The following PPM1H variants were observed in gnomAD, a reference collection of about 807,000 sequenced individuals.
PPM1H encodes the protein protein phosphatase, Mg2+/Mn2+ dependent 1H.
In PPM1H, 27 loss-of-function variants were observed where a neutral mutation model predicts 54.9. The ratio of observed to expected loss-of-function variants is 0.49; its 90% confidence interval spans 0.36 to 0.68. The LOEUF (loss-of-function observed/expected upper bound fraction) is 0.68, where lower values mean the gene tolerates loss of function less well. PPM1H is among the 30% of genes least tolerant of loss of function. The probability of loss-of-function intolerance (pLI) is 0.00; values close to 1 mark genes in which losing one functional copy is unlikely to be tolerated. For synonymous variants in PPM1H, 305 were observed against 270.8 expected, an observed-to-expected ratio of 1.13 and a Z score of -1.24; for missense variants, 596 against 667.8, an observed-to-expected ratio of 0.89 and a Z score of 1.19.
In PPM1H at chr12:62,876,833, C is replaced by T. The variant is rs149155716; in HGVS notation, c.246-44554G>A. Among the ~76,000 whole-genome samples, 455 of 152,302 alleles carry T rather than the reference C, an allele frequency of 3.0e-3. 4 individuals are homozygous for T. Among genetic ancestry groups the T allele is most frequent in the African/African-American group, 0.01 (429 of 41,558 alleles). On this transcript the variant is annotated intron_variant, in intron 1 of 9. Coordinates refer to ENST00000228705, the MANE Select transcript of PPM1H (RefSeq NM_020700.2). ...AACCCAACATCCCGTTATGTAAGTT[C>T]AGTGATCAGTTTTCTCCATTGTACC...
intron 1 of PPM1H, among the ~76,000 whole-genome samples, chr12:62,918,896 C>T (rs1056810915): frequency 6.6e-6 from 1 of 152,196 alleles, no homozygotes; most frequent in Non-Finnish European, 1.5e-5. Context: ...AATTATCAAT[C>T]GAAGCTAATT....
At position 62,788,285 on chromosome 12, in the gene PPM1H, C is replaced by G; in HGVS notation, c.810G>C (p.Thr270=). The G allele has an allele frequency of 6.3e-7, 1 of 1,597,028 alleles. No individual in the cohort carries two copies. The change falls in exon 4 of 10, where the codon ACG becomes ACC. Residue 270 remains threonine (T), a synonymous_variant. Coordinates refer to ENST00000228705, the MANE Select transcript of PPM1H (RefSeq NM_020700.2). ...CCAAAAGGCAAATCACAATGAGGGC[C>G]GTGCAGCCACCAGATATATTATATG... ...RSSYNISGGC[T]ALIVICLLGK... is the part of the protein sequence containing the mutation.
At chr12:62,889,064 G>C (rs968772679) in intron 1 of PPM1H, among the ~76,000 whole-genome samples, 6 of 152,134 alleles carry the variant, frequency 3.9e-5, no homozygotes, top group Non-Finnish European at 7.4e-5. Context: ...AAACTGATTA[G>C]AAACCAGGCC....
At chr12:62,907,248 C>T (rs1393395571) in intron 1 of PPM1H, among the ~76,000 whole-genome samples, 1 of 152,200 alleles carries the variant, frequency 6.6e-6, no homozygotes, top group African/African-American at 2.4e-5. Flanking sequence ...ACTCACTGAG[C>T]ACCAGCATGT....
chr12:62,872,560 C>A (rs1870024122), intron 1 of PPM1H, among the ~76,000 whole-genome samples: 1 of 152,188 alleles, frequency 6.6e-6, no homozygotes, highest in South Asian at 2.1e-4. Flanking sequence ...CATTTTCTAG[C>A]TCAATCTCTC....
intron 1 of PPM1H, among the ~76,000 whole-genome samples, chr12:62,865,002 T>C (rs993319839): frequency 6.6e-6 from 1 of 152,228 alleles, no homozygotes; most frequent in Non-Finnish European, 1.5e-5. Context: ...CCAATAATAC[T>C]TAAATGTCCA....
intron 5 of PPM1H, among the ~76,000 whole-genome samples, chr12:62,728,564 G>A (rs926169098): frequency 2.0e-5 from 3 of 152,326 alleles, no homozygotes; most frequent in African/African-American, 7.2e-5. Flanking sequence ...GAACAAGCCT[G>A]AAGAAGAGGC....
At position 62,844,133 on chromosome 12, in the gene PPM1H, G is replaced by A. The variant is rs1349701361; in HGVS notation, c.246-11854C>T. Among the ~76,000 whole-genome samples the A allele has an allele frequency of 6.6e-6, 1 of 152,150 alleles. No homozygotes were observed. The highest frequency in any genetic ancestry group is 2.4e-5 in the African/African-American group (1 of 41,412). ...GATTAAGCATCGAGTTTATTCCAGC[G>A]CAGTGCAAAGCTTAAGAACAGCCAC... On this transcript the variant is annotated intron_variant, in intron 1 of 9. Transcript: ENST00000228705. This position sits in a 1 kb window ranked among gnomAD's most constrained non-coding sequence, Gnocchi z 5.2.
chr12:62,691,913 T>C (rs549482898), intron 7 of PPM1H, among the ~76,000 whole-genome samples: 2 of 151,986 alleles, frequency 1.3e-5, no homozygotes, highest in East Asian at 1.9e-4. Flanking sequence ...CAACTCTAAA[T>C]GTGAAAAATT....
At chr12:62,896,492 T>C (rs1870993602) in intron 1 of PPM1H, among the ~76,000 whole-genome samples, 1 of 152,066 alleles carries the variant, frequency 6.6e-6, no homozygotes, top group Non-Finnish European at 1.5e-5. Flanking sequence ...AACAGACATA[T>C]GAAAAAATGC....
chr12:62,692,499 A>G (rs749426774), intron 7 of PPM1H, among the ~76,000 whole-genome samples: 12 of 152,196 alleles, frequency 7.9e-5, no homozygotes, highest in Non-Finnish European at 1.6e-4. Flanking sequence ...ATACTTATGC[A>G]TTTATGTCAG....
chr12:62,693,621 A>T (rs941196968), intron 7 of PPM1H, among the ~76,000 whole-genome samples: 3 of 152,240 alleles, frequency 2.0e-5, no homozygotes, highest in African/African-American at 7.2e-5. Context: ...TGTCAGATAT[A>T]AATGAGATGA....
chr12:62,880,651 AG>A (rs1412427377), intron 1 of PPM1H, among the ~76,000 whole-genome samples: 14 of 152,188 alleles, frequency 9.2e-5, no homozygotes, highest in African/African-American at 3.1e-4. Flanking sequence ...GCTCCTCCCC[AG>A]GCTGGGAAGA....
At chr12:62,811,437 A>C (rs2076834714) in intron 2 of PPM1H, among the ~76,000 whole-genome samples, 1 of 152,142 alleles carries the variant, frequency 6.6e-6, no homozygotes, top group African/African-American at 2.4e-5. Flanking sequence ...AATTCTGCCA[A>C]ATGGTGTACT....
intron 4 of PPM1H, among the ~76,000 whole-genome samples, chr12:62,750,660 A>T (rs1434652691): frequency 6.6e-6 from 1 of 152,170 alleles, no homozygotes; most frequent in Non-Finnish European, 1.5e-5. Flanking sequence ...GCCATATGGT[A>T]ACCTTAACTT....
intron 2 of PPM1H, among the ~76,000 whole-genome samples, chr12:62,824,380 C>T (rs1386254706): frequency 3.3e-5 from 5 of 152,158 alleles, no homozygotes; most frequent in Non-Finnish European, 7.3e-5. Flanking sequence ...TGACTTTCTT[C>T]ACAGAATTGG....
At chr12:62,798,463 T>A (rs868405492) in intron 3 of PPM1H, among the ~76,000 whole-genome samples, 3 of 152,136 alleles carry the variant, frequency 2.0e-5, no homozygotes, top group Non-Finnish European at 4.4e-5. Flanking sequence ...CCAATTTCCA[T>A]AGTGGATTGG....
intron 6 of PPM1H, among the ~76,000 whole-genome samples, chr12:62,702,921 T>C (rs959523322): frequency 4.6e-5 from 7 of 152,198 alleles, no homozygotes; most frequent in African/African-American, 1.7e-4. Flanking sequence ...TCAATCGTCA[T>C]GTGAACTGGC....
intron 5 of PPM1H, among the ~76,000 whole-genome samples, chr12:62,735,240 T>C (rs1376552584): frequency 1.3e-5 from 2 of 152,058 alleles, no homozygotes; most frequent in Non-Finnish European, 2.9e-5. Context: ...AAGGTCTCAC[T>C]CTTTACCTAG....
Sources: gnomAD v4.1 joint callset for allele counts (sites outside exome capture counted in the v4.1 genomes callset) on GRCh38, gnomAD v4.1.1 for gene constraint, Gnocchi (gnomAD v3.1) non-coding constraint, MANE v1.5 for transcripts, NCBI Gene and HGNC (gene_info 2026-07-23, HGNC 2026-07-21) for gene names.